Variants in ME3 observed in about 807,000 individuals in gnomAD.
ME3 encodes the protein NADP-dependent malic enzyme, mitochondrial.
Under a neutral mutation model 68.9 loss-of-function variants are expected in ME3, and 48 were observed. The ratio of observed to expected loss-of-function variants is 0.70; its 90% confidence interval spans 0.55 to 0.89. The LOEUF (loss-of-function observed/expected upper bound fraction) is 0.89, where lower values mean the gene tolerates loss of function less well. ME3 is among the 40% of genes least tolerant of loss of function. The pLI, the probability that ME3 is intolerant of heterozygous loss-of-function variation, is 0.00. For synonymous variants in ME3, 320 were observed against 318.8 expected (o/e 1.00, Z -0.04); for missense variants, 675 against 797.4 (o/e 0.85, Z 1.85).
intron 8 of ME3, among the ~76,000 whole-genome samples, chr11:86,451,938 G>T (rs1202743758): frequency 1.3e-5 from 2 of 152,192 alleles, no homozygotes; most frequent in African/African-American, 4.8e-5. Flanking sequence ...CAGTAGAATG[G>T]CCTACTGAAG....
At chr11:86,557,944 G>T (rs1957015644) in intron 3 of ME3, among the ~76,000 whole-genome samples, 1 of 152,060 alleles carries the variant, frequency 6.6e-6, no homozygotes, top group Non-Finnish European at 1.5e-5. Flanking sequence ...GCACACCACT[G>T]CCCTTACCCA....
At chr11:86,434,931 T>C in the ME3 span, 1 of 152,198 alleles carries the variant, frequency 6.6e-6, no homozygotes, top group African/African-American at 2.4e-5. Flanking sequence ...ATTGGCAAGT[T>C]TACCGTAGCA....
At chr11:86,540,337 C>T (rs1955960200) in intron 4 of ME3, among the ~76,000 whole-genome samples, 1 of 152,172 alleles carries the variant, frequency 6.6e-6, no homozygotes, top group African/African-American at 2.4e-5. Flanking sequence ...TTCTCCTATC[C>T]AGTCTACCGC....
chr11:86,603,914 G>T (rs537996095), intron 2 of ME3, among the ~76,000 whole-genome samples: 1 of 126,572 alleles, frequency 7.9e-6, no homozygotes, highest in African/African-American at 3.0e-5. Context: ...ATGGACACAG[G>T]AAGGGGAAAA....
intron 2 of ME3, among the ~76,000 whole-genome samples, chr11:86,643,029 C>T (rs930970521): frequency 2.6e-5 from 4 of 152,006 alleles, no homozygotes; most frequent in Non-Finnish European, 5.9e-5. Flanking sequence ...CTCTTGGACT[C>T]CTATTACTGC....
At chr11:86,645,584 G>C (rs1469335185) in intron 2 of ME3, among the ~76,000 whole-genome samples, 1 of 152,166 alleles carries the variant, frequency 6.6e-6, no homozygotes, top group Non-Finnish European at 1.5e-5. Context: ...CATCTCCCTG[G>C]GACAGAGCAC....
chr11:86,530,057 G>A (rs1029977195), intron 4 of ME3, among the ~76,000 whole-genome samples: 8 of 152,192 alleles, frequency 5.3e-5, no homozygotes, highest in African/African-American at 9.7e-5. Context: ...AAAAGAGGAC[G>A]TCAAATTGTC....
At chr11:86,485,801 T>G (rs943261402) in intron 7 of ME3, among the ~76,000 whole-genome samples, 2 of 152,168 alleles carry the variant, frequency 1.3e-5, no homozygotes, top group African/African-American at 4.8e-5. Context: ...CCAACCCTGA[T>G]TACACCCTGC....
intron 2 of ME3, among the ~76,000 whole-genome samples, chr11:86,629,870 TG>T (rs386755809): frequency 3.3e-5 from 5 of 152,300 alleles, no homozygotes; most frequent in African/African-American, 4.8e-5. Flanking sequence ...TGATTGAAAT[TG>T]GATGTAAATA....
At chr11:86,574,581 G>A (rs574598265) in intron 2 of ME3, among the ~76,000 whole-genome samples, 3 of 152,318 alleles carry the variant, frequency 2.0e-5, no homozygotes, top group African/African-American at 7.2e-5. Flanking sequence ...AGCAAAGATT[G>A]CTGCCTGCTC....
intron 2 of ME3, among the ~76,000 whole-genome samples, chr11:86,659,683 T>C (rs1369685917): frequency 6.6e-6 from 1 of 152,216 alleles, no homozygotes; most frequent in East Asian, 1.9e-4. Flanking sequence ...TGGGTGAAGT[T>C]GGCCCAGCCA....
At chr11:86,602,770 G>C (rs1165472116) in intron 2 of ME3, among the ~76,000 whole-genome samples, 1 of 152,188 alleles carries the variant, frequency 6.6e-6, no homozygotes, top group East Asian at 1.9e-4. Context: ...CAATGGAACA[G>C]AACAGAGCAC....
In ME3 at chr11:86,594,094, C is replaced by T. The variant is rs1259921025; in HGVS notation, c.184-34271G>A. On this transcript the variant is annotated intron_variant, in intron 2 of 14. Transcript: ENST00000543262. ...TAAGGAAACAAAGTAAAAAAACAGA[C>T]AAGATATCCCTGCCTTCATGAAACT... is the stretch of plus-strand genomic sequence containing the variant. 1.4e-5 allele frequency among the ~76,000 whole-genome samples: 2 copies of T among 146,404 alleles called. 1 individual carries two copies. Among genetic ancestry groups the T allele is most frequent in the East Asian group, 4.7e-4 (2 of 4,236 alleles).
At position 86,471,141 on chromosome 11, in the gene ME3, C is replaced by CTTTTTTTTTT. The variant is rs1163128094; in HGVS notation, c.810-5951_810-5942dup. 4.0e-5 allele frequency among the ~76,000 whole-genome samples: 3 copies of CTTTTTTTTTT among 75,044 alleles called. 1 individual carries two copies. Among genetic ancestry groups the CTTTTTTTTTT allele is most frequent in the African/African-American group, 6.3e-5 (1 of 15,902 alleles). The allele number at this position is 75,044 out of a possible 152,430, so 49.2% of individuals were successfully genotyped here. On this transcript the variant is annotated intron_variant, in intron 7 of 14. Transcript: ENST00000543262. ...CCTACTTAAACTGTAAGGCCCAGAG[C>CTTTTTTTTTT]TTTTTTTTTTTTTTTTTTTTTTTTT...
intron 4 of ME3, among the ~76,000 whole-genome samples, chr11:86,544,478 C>T (rs1956243442): frequency 6.6e-6 from 1 of 152,112 alleles, no homozygotes; most frequent in African/African-American, 2.4e-5. Context: ...GAGATATCAC[C>T]ACTGATTCCA....
chr11:86,498,263 GGCCGGA>G, intron 5 of ME3, 139 bp from the exon 6 acceptor site: 1 of 1,016,970 alleles, frequency 9.8e-7, no homozygotes, highest in Non-Finnish European at 1.4e-6. Context: ...TCTGGGATAA[GGCCGGA>G]GCATTTATTC....
chr11:86,541,531 G>T (rs1956049653), intron 4 of ME3, among the ~76,000 whole-genome samples: 1 of 152,198 alleles, frequency 6.6e-6, no homozygotes, highest in East Asian at 1.9e-4. Context: ...AAGCTGCTGG[G>T]AAGTTCAGAC....
At chr11:86,651,720 C>G (rs566190497) in intron 2 of ME3, among the ~76,000 whole-genome samples, 1 of 152,336 alleles carries the variant, frequency 6.6e-6, no homozygotes, top group Non-Finnish European at 1.5e-5. Flanking sequence ...AGCTCCTCTC[C>G]AGCAATGGAA....
At chr11:86,453,041 C>T (rs1949720041) in intron 8 of ME3, among the ~76,000 whole-genome samples, 1 of 152,104 alleles carries the variant, frequency 6.6e-6, no homozygotes, top group Admixed American at 6.6e-5. Context: ...CTCGGTCGCC[C>T]AGGCTGGAGT....
Sources: allele counts gnomAD v4.1 joint callset (sites outside exome capture counted in the v4.1 genomes callset), GRCh38; gene constraint gnomAD v4.1.1; transcripts MANE v1.5; gene names NCBI Gene and HGNC (gene_info 2026-07-23, HGNC 2026-07-21).